DENND1B: variants seen among roughly 807,000 people sequenced by gnomAD.
DENND1B encodes the protein DENN domain-containing protein 1B.
DENND1B carries 59 observed loss-of-function variants against 90.1 expected under a neutral mutation model. That is an observed-to-expected ratio of 0.65 (90% CI 0.53 to 0.81). The LOEUF is 0.81. DENND1B is among the 40% of genes least tolerant of loss of function. DENND1B has a pLI of 0.00. For missense variants in DENND1B, 862 were observed against 912.6 expected (o/e 0.94, Z 0.71); for synonymous variants, 337 against 324.6 (o/e 1.04, Z -0.41).
At chr1:197,735,368 T>C in intron 2 of DENND1B, 2 of 1,354,162 alleles carry the variant, frequency 1.5e-6, no homozygotes, top group Non-Finnish European at 1.9e-6. Context: ...CTTTTGGCAA[T>C]TAAACTAAAT....
intron 14 of DENND1B, among the ~76,000 whole-genome samples, chr1:197,592,108 C>CAAA (rs71286564): frequency 0.1 from 5,765 of 55,636 alleles, 1,306 homozygotes; most frequent in African/African-American, 0.21. Flanking sequence ...GATTCCATCT[C>CAAA]AAAAAAAAAA....
chr1:197,662,466 T>C (rs1307929440), intron 5 of DENND1B, among the ~76,000 whole-genome samples: 1 of 152,090 alleles, frequency 6.6e-6, no homozygotes, highest in Non-Finnish European at 1.5e-5. Flanking sequence ...ATGGCAATCT[T>C]GGGATTAGAA....
intron 15 of DENND1B, among the ~76,000 whole-genome samples, chr1:197,561,821 T>C (rs1004787128): frequency 1.3e-5 from 2 of 151,930 alleles, no homozygotes; most frequent in African/African-American, 4.8e-5. Flanking sequence ...CTCTCATCTT[T>C]ATATCAAATC....
chr1:197,586,311 G>A (rs1049399310), intron 14 of DENND1B, among the ~76,000 whole-genome samples: 4 of 151,898 alleles, frequency 2.6e-5, no homozygotes, highest in Non-Finnish European at 5.9e-5. Flanking sequence ...AATTTTTTTA[G>A]GAATATAGCA....
chr1:197,583,259 T>C lies in DENND1B; in HGVS notation c.1048-6A>G, dbSNP rs181094764. The C allele has an allele frequency of 5.5e-5, 88 of 1,613,234 alleles. No individual in the cohort carries two copies. The highest frequency in any genetic ancestry group is 8.0e-5 in the African/African-American group (6 of 74,990). The stretch of plus-strand genomic sequence containing the variant: ...CAGAAAGTGATGGGCTCACCCTAGA[T>C]AGAAATAAAGATTTTAAGGGCATCA... On this transcript the variant is annotated splice_region_variant and splice_polypyrimidine_tract_variant and intron_variant, in intron 14 of 22. Transcript: ENST00000620048.
In DENND1B at chr1:197,509,767, T is replaced by C. The variant is rs190351893; in HGVS notation, c.*693A>G. 2 of 152,258 alleles carry C rather than the reference T, an allele frequency of 1.3e-5. No individual in the cohort carries two copies. The highest frequency in any genetic ancestry group is 1.3e-4 in the Admixed American group (2 of 15,224). The allele number at this position is 152,258 out of a possible 1,614,324, so 9.4% of individuals were successfully genotyped here. ...TAAACAGAAGTCATTAACTTCACAT[T>C]GTAATTCAGCACTTCCTATATTTCA... is the stretch of plus-strand genomic sequence containing the variant. On this transcript the variant is annotated 3_prime_UTR_variant, in exon 23 of 23. Coordinates refer to ENST00000620048, the MANE Select transcript of DENND1B (RefSeq NM_001195215.2).
intron 15 of DENND1B, 108 bp from the exon 16 acceptor site, chr1:197,553,220 A>G (rs1376912170): frequency 1.2e-6 from 1 of 825,946 alleles, no homozygotes. Context: ...AAAAACATTA[A>G]TAACAGACTC....
chr1:197,647,079 C>A lies in DENND1B; in HGVS notation c.483G>T (p.Leu161=). The A allele has an allele frequency of 6.8e-7, 1 of 1,463,232 alleles. No homozygotes were observed. Among genetic ancestry groups the A allele is most frequent in the Admixed American group, 3.3e-5 (1 of 30,308 alleles). 90.6% of individuals were successfully genotyped at this position (1,463,232 alleles called of 1,614,324 possible). ...QEIFIACEQV[L]KDQPALVPHS... ...CCGGTACTAGAGCAGGCTGATCTTT[C>A]AGAACTTGCTCACAGGCAATAAATA... is the stretch of plus-strand genomic sequence containing the variant. Residue 161 remains leucine (L), a synonymous_variant, in exon 8 of 23, where the codon CTG becomes CTT. Transcript: ENST00000620048.
At chr1:197,518,573 T>C (rs1403798490) in intron 20 of DENND1B, among the ~76,000 whole-genome samples, 4 of 151,916 alleles carry the variant, frequency 2.6e-5, no homozygotes, top group African/African-American at 9.7e-5. Flanking sequence ...TTTCTTGGGC[T>C]TAGTTGCTTA....
At chr1:197,741,896 T>C (rs945176898) in intron 2 of DENND1B, among the ~76,000 whole-genome samples, 1 of 152,260 alleles carries the variant, frequency 6.6e-6, no homozygotes, top group Admixed American at 6.5e-5. Context: ...TTTATAACTT[T>C]GGAATCTTAA....
chr1:197,525,026 C>G (rs771993313), intron 20 of DENND1B, among the ~76,000 whole-genome samples: 2 of 152,070 alleles, frequency 1.3e-5, no homozygotes, highest in Non-Finnish European at 2.9e-5. Flanking sequence ...TACATAAAAA[C>G]CCATTCAATG....
intron 20 of DENND1B, among the ~76,000 whole-genome samples, chr1:197,526,589 A>C (rs1424758351): frequency 6.6e-6 from 1 of 152,174 alleles, no homozygotes; most frequent in Non-Finnish European, 1.5e-5. Context: ...ACATTGTAAT[A>C]AATGTCAGTC....
intron 10 of DENND1B, among the ~76,000 whole-genome samples, chr1:197,623,562 T>G (rs1678366957): frequency 2.6e-5 from 4 of 151,466 alleles, no homozygotes; most frequent in Admixed American, 2.0e-4. Context: ...AAACAATATT[T>G]TGTACATTTT....
intron 2 of DENND1B, among the ~76,000 whole-genome samples, chr1:197,722,030 T>C (rs1251249620): frequency 2.0e-5 from 3 of 152,170 alleles, no homozygotes; most frequent in Non-Finnish European, 4.4e-5. Context: ...CTAAACAAGA[T>C]AGATGTCCTT....
rs1301039257 is a variant in DENND1B, at chr1:197,505,307, A to C, written c.*5153T>G. ...GATGCACTAAACATGCAGGTTTTAAATTCTGCCTTGTCCTAAACATCATAT... is the reference window on the plus strand; with the variant it reads ...GATGCACTAAACATGCAGGTTTTAACTTCTGCCTTGTCCTAAACATCATAT... On this transcript the variant is annotated 3_prime_UTR_variant, in exon 23 of 23. Coordinates refer to ENST00000620048, the MANE Select transcript of DENND1B (RefSeq NM_001195215.2). 2.6e-5 allele frequency: 4 copies of C among 151,724 alleles called. No homozygotes were observed. The highest frequency in any genetic ancestry group is 5.9e-5 in the Non-Finnish European group (4 of 67,782). The allele number at this position is 151,724 out of a possible 1,614,324, so 9.4% of individuals were successfully genotyped here.
At chr1:197,523,945 A>C (rs1267322144) in intron 20 of DENND1B, among the ~76,000 whole-genome samples, 1 of 20,836 alleles carries the variant, frequency 4.8e-5, no homozygotes, top group Non-Finnish European at 2.1e-4. Flanking sequence ...AGAGAAATGG[A>C]ATCTATTTTT....
At chr1:197,761,715 T>G (rs1320390991) in intron 2 of DENND1B, 1 of 152,170 alleles carries the variant, frequency 6.6e-6, no homozygotes, top group Non-Finnish European at 1.5e-5. Flanking sequence ...GATAAAATTA[T>G]TATTTTAATG....
chr1:197,612,055 T>C, intron 11 of DENND1B, 79 bp from the exon 12 acceptor site: 1 of 1,140,330 alleles, frequency 8.8e-7, no homozygotes, highest in Non-Finnish European at 1.3e-6. Context: ...TTCAAAATGA[T>C]TAAAAATTAA....
At chr1:197,589,244 C>T (rs778955005) in intron 14 of DENND1B, among the ~76,000 whole-genome samples, 38 of 152,056 alleles carry the variant, frequency 2.5e-4, no homozygotes, top group Non-Finnish European at 4.9e-4. Context: ...TACCCAAGTC[C>T]CTAGTTCTAA....
Sources: gnomAD v4.1 joint callset for allele counts (sites outside exome capture counted in the v4.1 genomes callset) on GRCh38, gnomAD v4.1.1 for gene constraint, MANE v1.5 for transcripts, NCBI Gene and HGNC (gene_info 2026-07-23, HGNC 2026-07-21) for gene names.